The following PRSS23 variants were observed in gnomAD, a reference collection of about 807,000 sequenced individuals.
PRSS23 encodes the protein protease, serine 23.
In PRSS23, 25 loss-of-function variants were observed where a neutral mutation model predicts 34.7. The observed-to-expected ratio is 0.72, with a 90% CI of 0.53 to 1.01. The LOEUF (loss-of-function observed/expected upper bound fraction) is 1.01. PRSS23 is among the 50% of genes least tolerant of loss of function. The probability of loss-of-function intolerance (pLI) is 0.00; values close to 1 mark genes in which losing one functional copy is unlikely to be tolerated. For missense variants in PRSS23, 445 were observed against 475.6 expected (o/e 0.94, Z 0.60); for synonymous variants, 176 against 186.6 (o/e 0.94, Z 0.46).
In PRSS23 at chr11:86,917,505, T is replaced by C. The variant is rs181362347; in HGVS notation, c.207-33711T>C. ...TGTCCACAAAATAATATCTACTTCA[T>C]TGAGACTTTTGTGTCTTGAACAAGA... On this transcript the variant is annotated intron_variant, in intron 2 of 2. Coordinates refer to the PRSS23 transcript ENST00000533902. 2.0e-5 allele frequency among the ~76,000 whole-genome samples: 3 copies of C among 152,380 alleles called. No individual in the cohort carries two copies. The East Asian group carries it at 5.8e-4, about 29-fold the overall frequency.
chr11:86,814,707 A>G (rs2135608912), downstream of PRSS23, among the ~76,000 whole-genome samples: 1 of 152,290 alleles, frequency 6.6e-6, no homozygotes, highest in South Asian at 2.1e-4. Context: ...AGGTATGCTT[A>G]TCATGCCTGT....
chr11:86,803,348 T>G (rs922838698), intron 1 of PRSS23, among the ~76,000 whole-genome samples: 1 of 152,210 alleles, frequency 6.6e-6, no homozygotes, highest in Non-Finnish European at 1.5e-5. Context: ...TTAGTTACCT[T>G]TCCAGGTGTG....
chr11:86,925,168 C>G (rs1051820459), intron 2 of PRSS23: 1 of 152,136 alleles, frequency 6.6e-6, no homozygotes, highest in Non-Finnish European at 1.5e-5. Context: ...TTACATAGAC[C>G]CAGATTAAAT....
chr11:86,922,134 G>A (rs1436781713), intron 2 of PRSS23: 1 of 152,260 alleles, frequency 6.6e-6, no homozygotes, highest in East Asian at 1.9e-4. Flanking sequence ...TAAAGCTCCA[G>A]TCACATTATT....
At chr11:86,823,284 A>G (rs2134876359) in intron 1 of PRSS23, 2 of 660,830 alleles carry the variant, frequency 3.0e-6, no homozygotes, top group Non-Finnish European at 5.5e-6. Flanking sequence ...TTACAGATGA[A>G]GAGACTGACG....
intron 2 of PRSS23, among the ~76,000 whole-genome samples, chr11:86,926,958 G>A (rs897989520): frequency 2.0e-5 from 3 of 152,208 alleles, no homozygotes; most frequent in African/African-American, 7.2e-5. Flanking sequence ...GTGAGGCAAG[G>A]AAAGGGGAGG....
At chr11:86,827,606 T>C (rs1474214285) in intron 2 of PRSS23, among the ~76,000 whole-genome samples, 5 of 152,226 alleles carry the variant, frequency 3.3e-5, no homozygotes, top group Non-Finnish European at 7.3e-5. Flanking sequence ...TTTTGGATCT[T>C]TCCTGCTTTC....
At chr11:86,927,747 C>T (rs1179100713) in intron 2 of PRSS23, among the ~76,000 whole-genome samples, 1 of 151,664 alleles carries the variant, frequency 6.6e-6, no homozygotes, top group African/African-American at 2.4e-5. Context: ...CTAGGCCGGG[C>T]GTGGTGGCTC....
intron 2 of PRSS23, among the ~76,000 whole-genome samples, chr11:86,848,179 T>C (rs1948501710): frequency 6.6e-6 from 1 of 152,234 alleles, no homozygotes; most frequent in Non-Finnish European, 1.5e-5. Flanking sequence ...CTGATAACCA[T>C]ATACATGTCC....
chr11:86,802,857 T>A (rs1332340739), intron 1 of PRSS23, among the ~76,000 whole-genome samples: 1 of 152,196 alleles, frequency 6.6e-6, no homozygotes, highest in Non-Finnish European at 1.5e-5. Context: ...TTTGCATATC[T>A]GTTAATTATG....
At chr11:86,794,822 T>G (rs1021487962) in intron 1 of PRSS23, among the ~76,000 whole-genome samples, 14 of 152,118 alleles carry the variant, frequency 9.2e-5, no homozygotes, top group African/African-American at 3.4e-4. Flanking sequence ...CAAGGAAAAT[T>G]TTAAATTAAA....
chr11:86,838,062 A>G (rs1377774567), intron 2 of PRSS23, among the ~76,000 whole-genome samples: 1 of 151,906 alleles, frequency 6.6e-6, no homozygotes, highest in African/African-American at 2.4e-5. Flanking sequence ...TATCTGAAGA[A>G]ACGGTACACT....
chr11:86,950,548 C>A (rs1949280962), intron 2 of PRSS23: 1 of 161,574 alleles, frequency 6.2e-6, no homozygotes, highest in African/African-American at 2.4e-5. Flanking sequence ...ATGACAAAGG[C>A]ACTGAAAGAT....
chr11:86,945,599 C>T (rs1486322887), intron 2 of PRSS23: 4 of 152,364 alleles, frequency 2.6e-5, no homozygotes, highest in Non-Finnish European at 5.9e-5. Context: ...AAACTGAATC[C>T]TCTATTTCTC....
intron 2 of PRSS23, chr11:86,945,593 T>TA (rs1434016631): frequency 6.6e-6 from 1 of 152,344 alleles, no homozygotes; most frequent in African/African-American, 2.4e-5. Context: ...CCCTACAAAC[T>TA]GAATCCTCTA....
chr11:86,833,944 T>C (rs1948381920), intron 2 of PRSS23, among the ~76,000 whole-genome samples: 1 of 152,152 alleles, frequency 6.6e-6, no homozygotes, highest in Non-Finnish European at 1.5e-5. Flanking sequence ...GCCTTCGATG[T>C]CATTAACATC....
intron 2 of PRSS23, among the ~76,000 whole-genome samples, chr11:86,832,123 T>C (rs1948362464): frequency 6.6e-6 from 1 of 152,104 alleles, no homozygotes; most frequent in African/African-American, 2.4e-5. Context: ...TATGGGGATG[T>C]TGTTAATATT....
At chr11:86,802,267 T>C (rs983796285) in intron 1 of PRSS23, among the ~76,000 whole-genome samples, 1 of 152,226 alleles carries the variant, frequency 6.6e-6, no homozygotes, top group African/African-American at 2.4e-5. Context: ...AGGCTCAATT[T>C]AGTTTACCTG....
exon 3 of PRSS23, chr11:86,952,871 C>G (rs1330944334): frequency 6.3e-6 from 1 of 157,524 alleles, no homozygotes; most frequent in Non-Finnish European, 1.4e-5. Flanking sequence ...ATTTTTATCC[C>G]CGTTTCTTTA....
Sources: gnomAD v4.1 joint callset for allele counts (sites outside exome capture counted in the v4.1 genomes callset) on GRCh38, gnomAD v4.1.1 for gene constraint, MANE v1.5 for transcripts, NCBI Gene and HGNC (gene_info 2026-07-23, HGNC 2026-07-21) for gene names.